KCNK10: variants seen among roughly 807,000 people sequenced by gnomAD.
The protein encoded by KCNK10 is potassium channel subfamily K member 10.
Under a neutral mutation model 47.7 loss-of-function variants are expected in KCNK10, and 25 were observed. The ratio of observed to expected loss-of-function variants is 0.52; its 90% CI spans 0.38 to 0.73. KCNK10 has a LOEUF of 0.73. KCNK10 is among the 30% of genes least tolerant of loss of function. The pLI, the probability that KCNK10 is intolerant of heterozygous loss-of-function variation, is 0.00. For missense variants in KCNK10, 563 were observed against 714.5 expected (o/e 0.79, Z 2.42); for synonymous variants, 303 against 285.6 (o/e 1.06, Z -0.61).
intron 1 of KCNK10, among the ~76,000 whole-genome samples, chr14:88,286,318 A>G (rs1018243086): frequency 1.3e-5 from 2 of 152,184 alleles, no homozygotes; most frequent in African/African-American, 4.8e-5. Flanking sequence ...TGAGCATAAT[A>G]AAATGCTTGT....
chr14:88,321,047 T>C lies in KCNK10; in HGVS notation c.52+1700A>G, dbSNP rs558873659. Among the ~76,000 whole-genome samples the C allele has an allele frequency of 1.4e-4, 21 of 152,314 alleles. 1 individual carries two copies. The Middle Eastern group carries it at 0.01, about 74-fold the overall frequency. Reference sequence around the variant, plus strand: ...CTTCCGTATTTCCAGAGGTTTCAAATAGAGACAAAATGAAAGGTTTGTGCT... The same window carrying C: ...CTTCCGTATTTCCAGAGGTTTCAAACAGAGACAAAATGAAAGGTTTGTGCT... On this transcript the variant is annotated intron_variant, in intron 1 of 6. Transcript: ENST00000319231.
intron 4 of KCNK10, among the ~76,000 whole-genome samples, chr14:88,225,690 T>C (rs535679781): frequency 6.6e-6 from 1 of 152,306 alleles, no homozygotes; most frequent in South Asian, 2.1e-4. Flanking sequence ...TACATAAAAA[T>C]AAAAATGCCA....
At chr14:88,325,077 C>G (rs536896271), upstream of KCNK10, among the ~76,000 whole-genome samples, 26 of 152,366 alleles carry the variant, frequency 1.7e-4, no homozygotes, top group African/African-American at 5.5e-4. Context: ...CCTCTCTCTA[C>G]TAGGACTGGG....
intron 1 of KCNK10, among the ~76,000 whole-genome samples, chr14:88,308,166 C>G (rs1028422870): frequency 1.3e-5 from 2 of 152,096 alleles, no homozygotes; most frequent in African/African-American, 2.4e-5. Context: ...AGTCAAGGTT[C>G]CCTCGATCAC....
intron 4 of KCNK10, among the ~76,000 whole-genome samples, chr14:88,198,765 C>T (rs953619480): frequency 2.0e-5 from 3 of 152,138 alleles, no homozygotes; most frequent in African/African-American, 7.2e-5. Context: ...TTGGGAGTTA[C>T]CCCTTGTGAT....
chr14:88,311,841 T>C (rs1352426082), intron 1 of KCNK10, among the ~76,000 whole-genome samples: 1 of 147,800 alleles, frequency 6.8e-6, no homozygotes, highest in Non-Finnish European at 1.5e-5. Context: ...GTCAGGGTGG[T>C]TGGGGGCAGG....
chr14:88,185,963 G>T lies in KCNK10; in HGVS notation c.1204C>A (p.Arg402Ser), dbSNP rs747254595. ...HSLDMLSPEK[R>S]SVFAALDTGR... ...GTGTCCAGGGCAGCAAAGACAGAGC[G>T]CTTCTCGGGGGACAGCATGTCCAGT... Residue 402 changes from arginine to serine, a missense_variant, in exon 7 of 7, where the codon CGC (arginine) becomes AGC (serine). Arg to Ser is a moderately radical substitution (Grantham distance 110). Transcript: ENST00000319231. This position sits in a 1 kb window ranked among gnomAD's most constrained non-coding sequence, Gnocchi z 4.3. The T allele has an allele frequency of 6.2e-7, 1 of 1,613,574 alleles. No homozygotes were observed. Among genetic ancestry groups the T allele is most frequent in the Non-Finnish European group, 8.5e-7 (1 of 1,180,018 alleles).
intron 1 of KCNK10, among the ~76,000 whole-genome samples, chr14:88,314,720 T>C (rs775623712): frequency 5.6e-4 from 86 of 152,312 alleles, no homozygotes; most frequent in Admixed American, 1.2e-3. Flanking sequence ...GAGGCTACCC[T>C]GACTTCACAG....
At position 88,239,571 on chromosome 14, in the gene KCNK10, C is replaced by T. The variant is rs1886393416; in HGVS notation, c.520+1132G>A. On this transcript the variant is annotated intron_variant, in intron 3 of 6. Transcript: ENST00000319231. ...TATGCCATTATACTTATAAAGTTAA[C>T]CCCTAGGCCAGGTGCGGTGGCTCAC... 2.0e-5 allele frequency among the ~76,000 whole-genome samples: 3 copies of T among 152,224 alleles called. No homozygotes were observed. In the South Asian group the frequency reaches 6.2e-4, roughly 32 times the overall value.
At chr14:88,313,553 A>G (rs1013545160) in intron 1 of KCNK10, among the ~76,000 whole-genome samples, 1 of 152,194 alleles carries the variant, frequency 6.6e-6, no homozygotes, top group Admixed American at 6.5e-5. Context: ...GGACAGGCCC[A>G]CATTGGCAGG....
intron 1 of KCNK10, among the ~76,000 whole-genome samples, chr14:88,305,729 G>T (rs1888190483): frequency 6.6e-6 from 1 of 152,218 alleles, no homozygotes; most frequent in African/African-American, 2.4e-5. Context: ...TGTTTGGGAA[G>T]TGAAGAAATC....
chr14:88,275,268 T>C (rs900133192), intron 1 of KCNK10, among the ~76,000 whole-genome samples: 1 of 151,802 alleles, frequency 6.6e-6, no homozygotes, highest in African/African-American at 2.4e-5. Flanking sequence ...CACTTCCTAC[T>C]CTTCCCCGTG....
intron 3 of KCNK10, among the ~76,000 whole-genome samples, chr14:88,235,732 G>T (rs1287651315): frequency 1.3e-5 from 2 of 152,082 alleles, no homozygotes; most frequent in South Asian, 4.1e-4. Context: ...AGACATAGAA[G>T]ATGAGCAAAG....
chr14:88,304,680 G>A (rs1888171173), intron 1 of KCNK10, among the ~76,000 whole-genome samples: 1 of 152,160 alleles, frequency 6.6e-6, no homozygotes, highest in Non-Finnish European at 1.5e-5. Flanking sequence ...TGTTTGCACT[G>A]TTTAAAATCA....
chr14:88,308,152 C>T (rs911899881), intron 1 of KCNK10, among the ~76,000 whole-genome samples: 9 of 152,084 alleles, frequency 5.9e-5, no homozygotes, highest in African/African-American at 2.2e-4. Context: ...TCATCAGCAC[C>T]CCCAGTCAAG....
At chr14:88,314,060 T>G (rs920970247) in intron 1 of KCNK10, among the ~76,000 whole-genome samples, 2 of 152,248 alleles carry the variant, frequency 1.3e-5, no homozygotes, top group Admixed American at 6.5e-5. Context: ...ATTGTGATCT[T>G]TATTTTACCC....
chr14:88,287,674 G>GGTGTGTGT (rs199702993), intron 1 of KCNK10, among the ~76,000 whole-genome samples: 15 of 141,540 alleles, frequency 1.1e-4, no homozygotes, highest in South Asian at 2.3e-4. Flanking sequence ...AGTATTCCAT[G>GGTGTGTGT]GTGTGTGTGT....
intron 4 of KCNK10, among the ~76,000 whole-genome samples, chr14:88,222,003 G>A (rs572040911): frequency 2.0e-5 from 3 of 152,270 alleles, no homozygotes; most frequent in South Asian, 2.1e-4. Context: ...CCGTTTTCAC[G>A]CTGCTGATAA....
At chr14:88,246,264 G>GAAAA (rs35102974) in intron 2 of KCNK10, among the ~76,000 whole-genome samples, 22 of 55,304 alleles carry the variant, frequency 4.0e-4, no homozygotes, top group African/African-American at 1.6e-3. Context: ...CTCCGTCTCA[G>GAAAA]AAAAAAAAAA....
Sources: allele counts gnomAD v4.1 joint callset (sites outside exome capture counted in the v4.1 genomes callset), GRCh38; gene constraint gnomAD v4.1.1; non-coding constraint Gnocchi (gnomAD v3.1); transcripts MANE v1.5; gene names NCBI Gene and HGNC (gene_info 2026-07-23, HGNC 2026-07-21).